The following SCN3A variants were observed in gnomAD, a reference collection of about 807,000 sequenced individuals.
SCN3A encodes the protein sodium voltage-gated channel alpha subunit 3.
In SCN3A, 60 loss-of-function variants were observed where a neutral mutation model predicts 187.6. That is an observed-to-expected ratio of 0.32 (90% confidence interval 0.26 to 0.40). SCN3A has a LOEUF of 0.40. SCN3A is among the 10% of genes least tolerant of loss of function. The pLI is 1.00. For missense variants in SCN3A, 1,601 were observed against 2,428.2 expected, an observed-to-expected ratio of 0.66 and a Z score of 7.16; for synonymous variants, 788 against 829.2, an observed-to-expected ratio of 0.95 and a Z score of 0.85.
At chr2:165,176,524 T>A in intron 2 of SCN3A, 80 bp from the exon 3 acceptor site, 1 of 1,096,700 alleles carries the variant, frequency 9.1e-7, no homozygotes, top group South Asian at 1.3e-5. Flanking sequence ...TGTCATTTTT[T>A]AGTAACTTTT....
rs188275817 is a variant in SCN3A at position 165,170,565 on chromosome 2, G to C, written c.265-17C>G. 4 of 1,426,380 alleles carry C rather than the reference G, an allele frequency of 2.8e-6. No homozygotes were observed. The highest frequency in any genetic ancestry group is 4.0e-6 in the Non-Finnish European group (4 of 1,010,208). 88.4% of individuals were successfully genotyped at this position (1,426,380 alleles called of 1,614,324 possible). ...TATAAAAGTCTGAAAAAGAAAATAC[G>C]AGTAAAATTACTAAATTAGACATGG... On this transcript the variant is annotated splice_polypyrimidine_tract_variant and intron_variant, in intron 3 of 27. Coordinates refer to ENST00000283254, the MANE Select transcript of SCN3A (RefSeq NM_006922.4).
intron 18 of SCN3A, among the ~76,000 whole-genome samples, chr2:165,125,919 G>T (rs2105754701): frequency 6.6e-6 from 1 of 152,170 alleles, no homozygotes; most frequent in Middle Eastern, 3.4e-3. Flanking sequence ...GGAATTCAGA[G>T]AAAAAATATC....
chr2:165,162,819 G>A lies in SCN3A; in HGVS notation c.704C>T (p.Thr235Ile), dbSNP rs780574119. The A allele has an allele frequency of 6.2e-7, 1 of 1,614,008 alleles. No homozygotes were observed. Reference protein sequence around the residue: ...KTISVIPGLKTIVGALIQSVK... With the variant: ...KTISVIPGLKIIVGALIQSVK... The stretch of plus-strand genomic sequence containing the variant: ...CGACTGGATCAGGGCCCCCACAATG[G>A]TCTTTAAACCTGCAGAGAGAGAACT... Residue 235 changes from threonine (T) to isoleucine (I), a missense_variant, in exon 8 of 28, where the codon ACC (threonine) becomes ATC (isoleucine). Transcript: ENST00000283254.
chr2:165,176,322 T>G lies in SCN3A; in HGVS notation c.73A>C (p.Ile25Leu). The G allele has an allele frequency of 6.2e-7, 1 of 1,614,096 alleles. No individual in the cohort carries two copies. Among genetic ancestry groups the G allele is most frequent in the Non-Finnish European group, 8.5e-7 (1 of 1,179,984 alleles). The change falls in exon 3 of 28, where the codon ATC becomes CTC. Residue 25 changes from isoleucine (I) to leucine (L), a missense_variant. By Grantham distance (5) the Ile-to-Leu change is conservative. Around this residue, in one of 11 missense-constraint regions of SCN3A, gnomAD observed 74 missense variants for 77.7 expected, o/e 0.95. Transcript: ENST00000283254. ...TTCTCTTCTGCAGCACGTTTTTCGA[T>G]AGCAGCAAGAGATTCTCTAGTAAAA... The part of the protein sequence containing the change: ...RLFTRESLAA[I>L]EKRAAEEKAK...
chr2:165,135,720 T>A (rs1687626339), intron 15 of SCN3A, among the ~76,000 whole-genome samples: 1 of 152,162 alleles, frequency 6.6e-6, no homozygotes, highest in South Asian at 2.1e-4. Flanking sequence ...TATGAACAAA[T>A]GCTTTGTAAA....
intron 16 of SCN3A, 179 bp from the exon 17 acceptor site, chr2:165,130,475 G>A: frequency 1.1e-5 from 7 of 629,506 alleles, no homozygotes; most frequent in South Asian, 4.4e-5. Flanking sequence ...TTGTAAATCT[G>A]GTCATAATAT....
chr2:165,200,450 C>A (rs1036565637), intron 1 of SCN3A, among the ~76,000 whole-genome samples: 1 of 151,990 alleles, frequency 6.6e-6, no homozygotes, highest in South Asian at 2.1e-4. Context: ...GAAAAAAAAT[C>A]TTTAAATGCT....
intron 11 of SCN3A, among the ~76,000 whole-genome samples, chr2:165,147,468 G>T (rs989837606): frequency 3.3e-5 from 5 of 152,020 alleles, no homozygotes; most frequent in African/African-American, 1.2e-4. Context: ...CAGTACAAAA[G>T]ACTGTTTCTT....
intron 11 of SCN3A, among the ~76,000 whole-genome samples, chr2:165,153,994 T>TTTTTTC (rs1289756128): frequency 6.8e-6 from 1 of 146,364 alleles, no homozygotes; most frequent in Non-Finnish European, 1.5e-5. Context: ...AACATTTTTT[T>TTTTTTC]TTTTTTTTTT....
At chr2:165,175,862 T>C (rs1278550567) in intron 3 of SCN3A, among the ~76,000 whole-genome samples, 1 of 152,200 alleles carries the variant, frequency 6.6e-6, no homozygotes, top group Non-Finnish European at 1.5e-5. Flanking sequence ...ACTTTGTTGA[T>C]ATTAATTTTA....
At chr2:165,185,615 G>A (rs1030066642) in intron 2 of SCN3A, among the ~76,000 whole-genome samples, 4 of 152,206 alleles carry the variant, frequency 2.6e-5, no homozygotes, top group Admixed American at 2.6e-4. Flanking sequence ...AGGTCACAGA[G>A]ACATATTTAC....
chr2:165,178,291 A>G (rs1332796720), intron 2 of SCN3A, among the ~76,000 whole-genome samples: 2 of 152,098 alleles, frequency 1.3e-5, no homozygotes, highest in Non-Finnish European at 2.9e-5. Context: ...CAGTGGCACA[A>G]TCACGGCTCA....
intron 3 of SCN3A, 106 bp downstream of exon 3, chr2:165,176,025 T>C: frequency 9.9e-7 from 1 of 1,012,776 alleles, no homozygotes; most frequent in Non-Finnish European, 1.5e-6. Context: ...TATTATAAAA[T>C]CTTTAACAGA....
intron 12 of SCN3A, among the ~76,000 whole-genome samples, chr2:165,143,220 T>G (rs1339728895): frequency 6.6e-6 from 1 of 152,182 alleles, no homozygotes; most frequent in Non-Finnish European, 1.5e-5. Flanking sequence ...AGGGTGGACC[T>G]CATCCTACAC....
At position 165,126,197 on chromosome 2, in the gene SCN3A, T is replaced by G. The variant is rs73969190; in HGVS notation, c.3393+1434A>C. Among the ~76,000 whole-genome samples the G allele has an allele frequency of 5.1e-3, 780 of 152,348 alleles. 2 individuals are homozygous for G. The highest frequency in any genetic ancestry group is 0.018 in the African/African-American group (745 of 41,588). On this transcript the variant is annotated intron_variant, in intron 18 of 27. Coordinates refer to ENST00000283254, the MANE Select transcript of SCN3A (RefSeq NM_006922.4). ...ATACCCTCAAGCCAAAACCTGTCTT[T>G]GATAACTCCATCTGTGCTAGACTTA...
At chr2:165,149,013 A>T (rs1688517925) in intron 11 of SCN3A, among the ~76,000 whole-genome samples, 1 of 152,080 alleles carries the variant, frequency 6.6e-6, no homozygotes, top group African/African-American at 2.4e-5. Flanking sequence ...ACCCTTTCTT[A>T]TCCAAATAAA....
intron 1 of SCN3A, among the ~76,000 whole-genome samples, chr2:165,202,713 C>T (rs1168805826): frequency 1.3e-5 from 2 of 151,930 alleles, no homozygotes; most frequent in East Asian, 3.9e-4. Context: ...TGACTGGAAG[C>T]CCTGTTGAAA....
chr2:165,185,175 C>G (rs1388761211), intron 2 of SCN3A, among the ~76,000 whole-genome samples: 1 of 152,068 alleles, frequency 6.6e-6, no homozygotes, highest in Non-Finnish European at 1.5e-5. Flanking sequence ...TCGTCCTTAT[C>G]AGATAGTTAT....
At chr2:165,132,889 A>G (rs1687429635) in intron 15 of SCN3A, among the ~76,000 whole-genome samples, 1 of 152,350 alleles carries the variant, frequency 6.6e-6, no homozygotes, top group East Asian at 1.9e-4. Flanking sequence ...TCATCTGACA[A>G]AGGGCTAATA....
Sources: gnomAD v4.1 joint callset for allele counts (sites outside exome capture counted in the v4.1 genomes callset) on GRCh38, gnomAD v4.1.1 for gene constraint, gnomAD v4.1.1 regional missense constraint, MANE v1.5 for transcripts, NCBI Gene and HGNC (gene_info 2026-07-23, HGNC 2026-07-21) for gene names.